Variants in COL4A1 observed in about 807,000 individuals in gnomAD.
COL4A1 encodes collagen type IV alpha 1 chain, also known as collagen alpha-1(IV) chain.
Under a neutral mutation model 216.6 loss-of-function variants are expected in COL4A1, and 40 were observed. The observed-to-expected ratio is 0.18, with a 90% CI of 0.14 to 0.24. The LOEUF is 0.24. Among genes scored for constraint, COL4A1 ranks in the 10% least tolerant of loss-of-function variants. The pLI, the probability that COL4A1 is intolerant of heterozygous loss-of-function variation, is 1.00. For synonymous variants in COL4A1, 839 were observed against 810.7 expected, an observed-to-expected ratio of 1.03 and a Z score of -0.59; for missense variants, 1,628 against 2,196.8, an observed-to-expected ratio of 0.74 and a Z score of 5.18.
intron 1 of COL4A1, among the ~76,000 whole-genome samples, chr13:110,279,274 C>T (rs867911857): frequency 7.2e-5 from 11 of 152,174 alleles, no homozygotes; most frequent in African/African-American, 2.2e-4. Flanking sequence ...ATAATCATCG[C>T]TCCCCATGGA....
intron 19 of COL4A1, 40 bp downstream of exon 19, chr13:110,201,397 AG>A (rs1879227163): frequency 8.1e-7 from 1 of 1,234,844 alleles, no homozygotes; most frequent in Non-Finnish European, 1.1e-6. Flanking sequence ...GGAGAGAAGG[AG>A]GGGGAGTAGG....
intron 1 of COL4A1, among the ~76,000 whole-genome samples, chr13:110,290,556 G>A (rs1421669771): frequency 1.3e-5 from 2 of 151,898 alleles, no homozygotes; most frequent in African/African-American, 4.8e-5. Context: ...AGCTTCACTC[G>A]CAAACTACTC....
intron 40 of COL4A1, among the ~76,000 whole-genome samples, chr13:110,173,117 G>A (rs978515249): frequency 1.3e-5 from 2 of 152,186 alleles, no homozygotes; most frequent in Non-Finnish European, 2.9e-5. Context: ...TCAGGGAGGT[G>A]GGGAAAGCCA....
chr13:110,181,413 AAAAC>A (rs762439134), intron 28 of COL4A1, 24 bp from the exon 29 acceptor site: 138 of 1,587,286 alleles, frequency 8.7e-5, no homozygotes, highest in South Asian at 6.3e-4. Flanking sequence ...TCAAAAAAAA[AAAAC>A]AAACAAACAA....
intron 49 of COL4A1, among the ~76,000 whole-genome samples, chr13:110,157,454 C>T (rs1876837553): frequency 6.6e-6 from 1 of 152,204 alleles, no homozygotes; most frequent in African/African-American, 2.4e-5. Flanking sequence ...CCTGTAAGTC[C>T]TGAGAAGTCG....
intron 20 of COL4A1, among the ~76,000 whole-genome samples, chr13:110,200,220 G>A (rs1879120895): frequency 1.3e-5 from 2 of 152,246 alleles, no homozygotes; most frequent in Admixed American, 1.3e-4. Flanking sequence ...AATACCACAG[G>A]TGCACACGCA....
chr13:110,216,130 G>A, intron 2 of COL4A1, among the ~76,000 whole-genome samples: 1 of 152,232 alleles, frequency 6.6e-6, no homozygotes, highest in East Asian at 1.9e-4. Flanking sequence ...TCGGCCAGAA[G>A]CACAGACGTG....
At chr13:110,291,008 C>T (rs1018041) in intron 1 of COL4A1, among the ~76,000 whole-genome samples, 118,291 of 152,136 alleles carry the variant, frequency 0.78, 46,576 homozygotes, top group East Asian at 0.93. Context: ...CACAGAGGTG[C>T]TCACAGGGCG....
intron 2 of COL4A1, among the ~76,000 whole-genome samples, chr13:110,221,991 A>G (rs1321923953): frequency 6.6e-6 from 1 of 152,180 alleles, no homozygotes; most frequent in African/African-American, 2.4e-5. Context: ...TTCTCTGGAA[A>G]CACTTGTATT....
rs1337885244 is a variant in COL4A1, at chr13:110,211,070, C to T, written c.468+577G>A. Reference sequence around the variant, plus strand: ...TATGAGGATCTATTTCCTACGTGTTCTGAATCACAGGAGCGAGCACAGGGA... The same window carrying T: ...TATGAGGATCTATTTCCTACGTGTTTTGAATCACAGGAGCGAGCACAGGGA... On this transcript the variant is annotated intron_variant, in intron 8 of 51. Transcript: ENST00000375820. The surrounding 1 kb of genome is among the most constrained non-coding windows in gnomAD (Gnocchi z 4.3). 6.6e-6 allele frequency among the ~76,000 whole-genome samples: 1 copy of T among 152,190 alleles called. No individual in the cohort carries two copies. The highest frequency in any genetic ancestry group is 1.5e-5 in the Non-Finnish European group (1 of 68,028).
chr13:110,252,560 TATAC>T lies in COL4A1; in HGVS notation c.85-9830_85-9827del, dbSNP rs1566416061. Among the ~76,000 whole-genome samples, 36 of 72,116 alleles carry T rather than the reference TATAC, an allele frequency of 5.0e-4. 13 individuals carry two copies. The highest frequency in any genetic ancestry group is 1.5e-3 in the Admixed American group (8 of 5,246). 47.3% of individuals were successfully genotyped at this position (72,116 alleles called of 152,430 possible). A position where few individuals can be genotyped will look rare whatever the true frequency, so the allele number is the denominator to read the frequency against. On this transcript the variant is annotated intron_variant, in intron 1 of 51. Transcript: ENST00000375820. Reference sequence around the variant, plus strand: ...TATATGTATTATATATACGTATAATTATACGTATATATGTATTATATACGTATAA... The same window carrying T: ...TATATGTATTATATATACGTATAATTGTATATATGTATTATATACGTATAA...
At chr13:110,202,001 A>C (rs1879273125) in intron 18 of COL4A1, among the ~76,000 whole-genome samples, 1 of 152,116 alleles carries the variant, frequency 6.6e-6, no homozygotes, top group African/African-American at 2.4e-5. Context: ...AACAAACAGC[A>C]ACAACAACGA....
chr13:110,245,503 A>C (rs1881759068), intron 1 of COL4A1, among the ~76,000 whole-genome samples: 1 of 152,182 alleles, frequency 6.6e-6, no homozygotes, highest in African/African-American at 2.4e-5. Context: ...AGTAGTGTGG[A>C]TTTTCGACTT....
chr13:110,199,975 T>C (rs898513878), intron 20 of COL4A1, among the ~76,000 whole-genome samples: 1 of 152,094 alleles, frequency 6.6e-6, no homozygotes, highest in Non-Finnish European at 1.5e-5. Flanking sequence ...AGGCGTGGGC[T>C]GTGTGGGGTG....
chr13:110,240,590 C>T (rs552558830), intron 2 of COL4A1, among the ~76,000 whole-genome samples: 7 of 152,368 alleles, frequency 4.6e-5, no homozygotes, highest in Non-Finnish European at 7.3e-5. Flanking sequence ...GGGGGCCACC[C>T]CCAGCAAGGG....
rs537338028 is a variant in COL4A1 at position 110,206,741 on chromosome 13, A to ATT, written c.808-28_808-27dup. 6.4e-4 allele frequency: 1,025 copies of ATT among 1,613,366 alleles called. 5 individuals are homozygous for ATT. The African/African-American group carries it at 0.012, about 18-fold the overall frequency. ...CTTAAAGGAATAAAAAGACAAAGAG[A>ATT]TTTATTCGTCTATTTAAGCAAAATT... On this transcript the variant is annotated intron_variant, in intron 14 of 51. Coordinates refer to ENST00000375820, the MANE Select transcript of COL4A1 (RefSeq NM_001845.6).
chr13:110,169,782 C>A lies in COL4A1; in HGVS notation c.3743-20G>T, dbSNP rs780511886. 29 of 1,613,720 alleles carry A rather than the reference C, an allele frequency of 1.8e-5. No homozygotes were observed. The East Asian group carries it at 6.5e-4, about 36-fold the overall frequency. On this transcript the variant is annotated intron_variant, in intron 42 of 51. Coordinates refer to ENST00000375820, the MANE Select transcript of COL4A1 (RefSeq NM_001845.6). ...GAAGTCCTAATGGAAGAGAAGAAAG[C>A]CACACATTTGGGGTTAAATATGCAC...
At chr13:110,259,825 G>A (rs1882743502) in intron 1 of COL4A1, among the ~76,000 whole-genome samples, 1 of 152,236 alleles carries the variant, frequency 6.6e-6, no homozygotes, top group Non-Finnish European at 1.5e-5. Flanking sequence ...TCCGGGCTCT[G>A]CATCTGTTCT....
chr13:110,170,098 A>T (rs1275699728), intron 42 of COL4A1, among the ~76,000 whole-genome samples: 1 of 73,096 alleles, frequency 1.4e-5, no homozygotes, highest in Non-Finnish European at 2.7e-5. Flanking sequence ...AGGGAGGGAG[A>T]GAGGAAGGGA....
Sources: allele counts gnomAD v4.1 joint callset (sites outside exome capture counted in the v4.1 genomes callset), GRCh38; gene constraint gnomAD v4.1.1; non-coding constraint Gnocchi (gnomAD v3.1); transcripts MANE v1.5; gene names NCBI Gene and HGNC (gene_info 2026-07-23, HGNC 2026-07-21).